The following PRKG1 variants were observed in gnomAD, a reference collection of about 807,000 sequenced individuals.
PRKG1 encodes cGMP-dependent protein kinase 1.
A neutral mutation model predicts 88.1 loss-of-function variants in PRKG1; 35 were observed. The ratio of observed to expected loss-of-function variants is 0.40; its 90% confidence interval spans 0.30 to 0.53. PRKG1 has a LOEUF of 0.53. Ranked by LOEUF, PRKG1 falls within the 20% of genes least tolerant of loss-of-function variation. The pLI, the probability that PRKG1 is intolerant of heterozygous loss-of-function variation, is 0.59. For synonymous variants in PRKG1, 303 were observed against 292.5 expected, an observed-to-expected ratio of 1.04 and a Z score of -0.37; for missense variants, 540 against 839.8, an observed-to-expected ratio of 0.64 and a Z score of 4.41.
chr10:52,001,758 T>C (rs1396561650), intron 5 of PRKG1, among the ~76,000 whole-genome samples: 2 of 152,078 alleles, frequency 1.3e-5, no homozygotes, highest in African/African-American at 2.4e-5. Context: ...AGAATTGTCA[T>C]CTCAACCACC....
Position 52,234,327 on chromosome 10 carries a change from T to C in PRKG1, c.1077-17243T>C, listed in dbSNP as rs1262971322. ...AAAGCTGGATGGAGAATGACTTTGA[T>C]GAGCTGAGAGAAGAAGGCTTCAGAC... On this transcript the variant is annotated intron_variant, in intron 9 of 17. Coordinates refer to ENST00000373980, the MANE Select transcript of PRKG1 (RefSeq NM_006258.4). 7.4e-3 allele frequency among the ~76,000 whole-genome samples: 1,128 copies of C among 152,250 alleles called. 16 individuals are homozygous for C. The highest frequency in any genetic ancestry group is 0.025 in the African/African-American group (1,058 of 41,516).
chr10:51,740,528 T>C (rs1346367997), intron 3 of PRKG1, among the ~76,000 whole-genome samples: 2 of 152,234 alleles, frequency 1.3e-5, no homozygotes, highest in Non-Finnish European at 2.9e-5. Flanking sequence ...AATATCTGGA[T>C]TGATAGAAGA....
At chr10:51,044,882 T>C (rs10995473) in intron 1 of PRKG1, among the ~76,000 whole-genome samples, 42,977 of 152,136 alleles carry the variant, frequency 0.28, 6,421 homozygotes, top group African/African-American at 0.36. Flanking sequence ...TTTATCATGA[T>C]GCCTTTTTCT....
chr10:51,334,877 G>T (rs1311802393), intron 2 of PRKG1, among the ~76,000 whole-genome samples: 1 of 151,884 alleles, frequency 6.6e-6, no homozygotes, highest in African/African-American at 2.4e-5. Context: ...TGTAGGAGAA[G>T]ACTTTCAGAC....
intron 5 of PRKG1, among the ~76,000 whole-genome samples, chr10:51,937,923 C>G (rs1490324654): frequency 2.0e-5 from 3 of 152,064 alleles, no homozygotes; most frequent in Admixed American, 1.3e-4. Context: ...CACTGTTCCA[C>G]TGAGTATGTG....
intron 1 of PRKG1, among the ~76,000 whole-genome samples, chr10:51,015,095 T>C (rs1420617478): frequency 6.6e-6 from 1 of 152,238 alleles, no homozygotes; most frequent in Admixed American, 6.5e-5. Context: ...CATATTTCTA[T>C]GGAATGGCCT....
At chr10:51,798,364 A>G (rs1839074920) in intron 3 of PRKG1, among the ~76,000 whole-genome samples, 1 of 152,038 alleles carries the variant, frequency 6.6e-6, no homozygotes, top group Admixed American at 6.6e-5. Context: ...GTAAAGTGCT[A>G]TCTCATGGTG....
At chr10:51,805,855 A>G (rs975701914) in intron 4 of PRKG1, among the ~76,000 whole-genome samples, 1 of 152,176 alleles carries the variant, frequency 6.6e-6, no homozygotes, top group Non-Finnish European at 1.5e-5. Context: ...AAGTAATAAT[A>G]TCAGCATTAA....
chr10:51,689,143 T>A (rs999042620), intron 3 of PRKG1, among the ~76,000 whole-genome samples: 1 of 152,168 alleles, frequency 6.6e-6, no homozygotes, highest in Non-Finnish European at 1.5e-5. Context: ...TAAACCTCTT[T>A]CCTTTGTAAG....
intron 1 of PRKG1, among the ~76,000 whole-genome samples, chr10:51,011,939 G>T (rs1447413460): frequency 1.3e-5 from 2 of 152,172 alleles, no homozygotes; most frequent in African/African-American, 4.8e-5. Flanking sequence ...AAGTTGAAAG[G>T]CATGTCTTCC....
At chr10:51,549,393 C>A (rs1842526795) in intron 3 of PRKG1, among the ~76,000 whole-genome samples, 1 of 151,876 alleles carries the variant, frequency 6.6e-6, no homozygotes, top group Non-Finnish European at 1.5e-5. Context: ...GAACATCATT[C>A]TGGACTCCAC....
intron 9 of PRKG1, among the ~76,000 whole-genome samples, chr10:52,204,133 C>G (rs1839752432): frequency 6.6e-6 from 1 of 151,070 alleles, no homozygotes; most frequent in African/African-American, 2.4e-5. Flanking sequence ...TGGACTCTTG[C>G]TCTGTTGCCC....
intron 4 of PRKG1, among the ~76,000 whole-genome samples, chr10:51,839,938 T>C (rs1840228101): frequency 6.6e-6 from 1 of 152,182 alleles, no homozygotes; most frequent in African/African-American, 2.4e-5. Context: ...TTTTAATTCT[T>C]GAGGATGCCA....
intron 5 of PRKG1, among the ~76,000 whole-genome samples, chr10:52,001,059 GT>G (rs200787696): frequency 2.0e-5 from 3 of 150,662 alleles, no homozygotes; most frequent in African/African-American, 7.3e-5. Flanking sequence ...TGGGTTCAAA[GT>G]TTTTTTTTCG....
chr10:51,326,177 T>C (rs533542068), intron 2 of PRKG1, among the ~76,000 whole-genome samples: 10 of 152,340 alleles, frequency 6.6e-5, no homozygotes, highest in African/African-American at 2.2e-4. Context: ...AGAACTTAGA[T>C]ACCTATCTGA....
intron 1 of PRKG1, among the ~76,000 whole-genome samples, chr10:51,056,816 CT>C (rs1458047673): frequency 6.6e-6 from 1 of 151,930 alleles, no homozygotes; most frequent in Non-Finnish European, 1.5e-5. Flanking sequence ...AAATGAACCC[CT>C]GACCCCATGT....
intron 6 of PRKG1, among the ~76,000 whole-genome samples, chr10:52,060,180 T>C (rs1846205123): frequency 6.6e-6 from 1 of 151,896 alleles, no homozygotes; most frequent in Non-Finnish European, 1.5e-5. Context: ...ACATTACAGG[T>C]ATCACAACAA....
intron 3 of PRKG1, among the ~76,000 whole-genome samples, chr10:51,478,790 C>T (rs866925718): frequency 2.7e-5 from 4 of 150,772 alleles, no homozygotes; most frequent in African/African-American, 7.3e-5. Context: ...GCCCAATCTA[C>T]GTGGAACCCA....
intron 7 of PRKG1, among the ~76,000 whole-genome samples, chr10:52,080,594 A>G (rs1040505720): frequency 6.6e-6 from 1 of 152,178 alleles, no homozygotes; most frequent in African/African-American, 2.4e-5. Context: ...AATTTGGTTG[A>G]TAAGTACAAA....
Sources: allele counts gnomAD v4.1 joint callset (sites outside exome capture counted in the v4.1 genomes callset), GRCh38; gene constraint gnomAD v4.1.1; transcripts MANE v1.5; gene names NCBI Gene and HGNC (gene_info 2026-07-23, HGNC 2026-07-21).